FAM193B: variants seen among roughly 807,000 people sequenced by gnomAD.
FAM193B encodes the protein protein FAM193B.
FAM193B carries 27 observed loss-of-function variants against 70.7 expected under a neutral mutation model. That is an observed-to-expected ratio of 0.38 (90% CI 0.28 to 0.53). FAM193B has a LOEUF of 0.53. Among genes scored for constraint, FAM193B ranks in the 20% least tolerant of loss-of-function variants. The probability of loss-of-function intolerance (pLI) is 0.81; values close to 1 mark genes in which losing one functional copy is unlikely to be tolerated. For synonymous variants in FAM193B, 448 were observed against 436.0 expected (o/e 1.03, Z -0.34); for missense variants, 1,022 against 1,072.5 (o/e 0.95, Z 0.66).
chr5:177,527,534 C>A (rs1241197781), intron 5 of FAM193B, among the ~76,000 whole-genome samples: 1 of 152,220 alleles, frequency 6.6e-6, no homozygotes, highest in Non-Finnish European at 1.5e-5. Flanking sequence ...GCCACAGCAG[C>A]CCCACTGCCT....
intron 1 of FAM193B, chr5:177,547,333 G>GGA (rs1765579249): frequency 8.3e-6 from 1 of 120,756 alleles, no homozygotes; most frequent in African/African-American, 3.2e-5. Context: ...CGCCCAGGCT[G>GGA]GAGTGCAGTG....
intron 1 of FAM193B, among the ~76,000 whole-genome samples, chr5:177,540,698 C>T (rs1189212424): frequency 1.3e-5 from 2 of 152,072 alleles, no homozygotes; most frequent in Non-Finnish European, 2.9e-5. Flanking sequence ...ATGAGTGAGC[C>T]CAGCCGAGAG....
chr5:177,547,286 C>CTCTTTTTTT (rs1765555887), intron 1 of FAM193B: 1 of 89,414 alleles, frequency 1.1e-5, no homozygotes, highest in Non-Finnish European at 2.0e-5. Context: ...AAATTTATTT[C>CTCTTTTTTT]TTTTTTTTTT....
chr5:177,540,306 CAAA>C (rs71585639), intron 1 of FAM193B, among the ~76,000 whole-genome samples: 14 of 102,438 alleles, frequency 1.4e-4, no homozygotes, highest in South Asian at 3.2e-4. Flanking sequence ...GACTCCGTCT[CAAA>C]AAAAAAAAAA....
intron 5 of FAM193B, among the ~76,000 whole-genome samples, chr5:177,529,479 C>T (rs1446783343): frequency 6.6e-6 from 1 of 152,034 alleles, no homozygotes; most frequent in Non-Finnish European, 1.5e-5. Context: ...CCTGCAGCCC[C>T]ACGACTAAGT....
chr5:177,541,487 C>T (rs1410511779), intron 1 of FAM193B, among the ~76,000 whole-genome samples: 3 of 152,030 alleles, frequency 2.0e-5, no homozygotes, highest in East Asian at 1.9e-4. Flanking sequence ...GGTACGATCT[C>T]GGCTCACTGC....
In FAM193B at chr5:177,522,090, A is replaced by C. The variant is rs781217877; in HGVS notation, c.2373-19T>G. 3 of 1,598,604 alleles carry C rather than the reference A, an allele frequency of 1.9e-6. No homozygotes were observed. Among genetic ancestry groups the C allele is most frequent in the South Asian group, 2.2e-5 (2 of 90,674 alleles). ...ACAGAACCTGTTGGGTTTGGGGGAC[A>C]CATGAGAAGCACAATCAGAGGTTCA... is the stretch of plus-strand genomic sequence containing the variant. On this transcript the variant is annotated intron_variant, in intron 7 of 8. Transcript: ENST00000514747.
At chr5:177,522,667 A>G (rs1287782002) in intron 7 of FAM193B, among the ~76,000 whole-genome samples, 2 of 151,890 alleles carry the variant, frequency 1.3e-5, no homozygotes, top group Non-Finnish European at 2.9e-5. Flanking sequence ...TCATCTCTAG[A>G]TTACTTAAAA....
rs1350461569 is a variant in FAM193B at position 177,524,650 on chromosome 5, C to T, written c.1831G>A (p.Glu611Lys). ...CTGGGAACTTCCTTTGAGCTTGGCT[C>T]CTCGGAGCTGGGGTAGCCCGGCTTG... ...TPKPGYPSSE[E>K]PSSKEVPSCK... The change falls in exon 6 of 9, where the codon GAG becomes AAG. Residue 611 changes from glutamate to lysine, a missense_variant. By Grantham distance (56) the Glu-to-Lys change is moderately conservative. Coordinates refer to ENST00000514747, the MANE Select transcript of FAM193B (RefSeq NM_001190946.3). The T allele has an allele frequency of 1.9e-6, 3 of 1,612,742 alleles. No individual in the cohort carries two copies. Among genetic ancestry groups the T allele is most frequent in the Middle Eastern group, 1.7e-4 (1 of 6,060 alleles).
At chr5:177,547,649 C>T (rs1399900491) in intron 1 of FAM193B, among the ~76,000 whole-genome samples, 1 of 152,110 alleles carries the variant, frequency 6.6e-6, no homozygotes, top group Non-Finnish European at 1.5e-5. Flanking sequence ...CTCTTTGAAC[C>T]CCCAGCTCCT....
At chr5:177,544,497 AT>A (rs1765192737) in intron 1 of FAM193B, among the ~76,000 whole-genome samples, 1 of 152,266 alleles carries the variant, frequency 6.6e-6, no homozygotes, top group African/African-American at 2.4e-5. Context: ...TGAACAATGA[AT>A]AAAATGAGCC....
chr5:177,540,720 G>A (rs1764753721), intron 1 of FAM193B, among the ~76,000 whole-genome samples: 2 of 152,306 alleles, frequency 1.3e-5, no homozygotes, highest in African/African-American at 4.8e-5. Flanking sequence ...AGACTCATGA[G>A]AGATAGAAAG....
At chr5:177,542,485 C>T (rs536346179) in intron 1 of FAM193B, among the ~76,000 whole-genome samples, 1 of 152,366 alleles carries the variant, frequency 6.6e-6, no homozygotes, top group East Asian at 1.9e-4. Context: ...ATGGTCACTG[C>T]ATTTTACACA....
At chr5:177,529,415 G>A (rs548558026) in intron 5 of FAM193B, among the ~76,000 whole-genome samples, 4 of 152,050 alleles carry the variant, frequency 2.6e-5, no homozygotes, top group Non-Finnish European at 4.4e-5. Context: ...TGTCTACAGA[G>A]ATAATGACCA....
Position 177,536,410 on chromosome 5 carries a change from T to G in FAM193B, c.1024A>C (p.Ser342Arg), listed in dbSNP as rs754076120. 6.8e-6 allele frequency: 11 copies of G among 1,608,578 alleles called. No individual in the cohort carries two copies. The highest frequency in any genetic ancestry group is 6.8e-6 in the Non-Finnish European group (8 of 1,178,420). Residue 342 changes from serine (S) to arginine (R), a missense_variant, in exon 4 of 9, where the codon AGT becomes CGT. Coordinates refer to ENST00000514747, the MANE Select transcript of FAM193B (RefSeq NM_001190946.3). The stretch of plus-strand genomic sequence containing the variant: ...CTCGGGGGTGGGAGGAGAGGCCCAC[T>G]GCAGTGCCCACCACAGTGCCCGCTG... The part of the protein sequence containing the change: ...PCSGHCGGHC[S>R]GPLLPPPSSQ...
rs1420780499 is a variant in FAM193B, at chr5:177,522,267, T to C, written c.2373-196A>G. 7 of 543,348 alleles carry C rather than the reference T, an allele frequency of 1.3e-5. No individual in the cohort carries two copies. In the South Asian group the frequency reaches 1.4e-4, roughly 11 times the overall value. The allele number at this position is 543,348 out of a possible 1,614,324, so 33.7% of individuals were successfully genotyped here. A position where few individuals can be genotyped will look rare whatever the true frequency, so the allele number is the denominator to read the frequency against. On this transcript the variant is annotated intron_variant, in intron 7 of 8. Coordinates refer to ENST00000514747, the MANE Select transcript of FAM193B (RefSeq NM_001190946.3). Reference sequence around the variant, plus strand: ...CTTCTGGATTGGGCCCAGGGAACTATGTATGAAGACAGTGAAACTGCCTTG... The same window carrying C: ...CTTCTGGATTGGGCCCAGGGAACTACGTATGAAGACAGTGAAACTGCCTTG...
At chr5:177,531,742 T>C in intron 5 of FAM193B, 1 of 636,818 alleles carries the variant, frequency 1.6e-6, no homozygotes, top group Non-Finnish European at 2.3e-6. Flanking sequence ...AAACACTGAC[T>C]GGGGAGCCAG....
At chr5:177,553,957 C>T (rs1398113706) in intron 1 of FAM193B, 1 of 1,242,064 alleles carries the variant, frequency 8.1e-7, no homozygotes, top group Non-Finnish European at 1.0e-6. Context: ...GGATCACAGC[C>T]CAGTCCCAGT....
chr5:177,535,713 G>A (rs1764082556), intron 4 of FAM193B, among the ~76,000 whole-genome samples: 1 of 151,914 alleles, frequency 6.6e-6, no homozygotes, highest in African/African-American at 2.4e-5. Context: ...TTTTAACTGG[G>A]GAAATGATCA....
Sources: allele counts gnomAD v4.1 joint callset (sites outside exome capture counted in the v4.1 genomes callset), GRCh38; gene constraint gnomAD v4.1.1; transcripts MANE v1.5; gene names NCBI Gene and HGNC (gene_info 2026-07-23, HGNC 2026-07-21).